FAM25G: variants seen among roughly 807,000 people sequenced by gnomAD.
FAM25G encodes the protein family with sequence similarity 25 member G, also known as protein FAM25G.
FAM25G carries 3 observed loss-of-function variants against 6.4 expected under a neutral mutation model. The ratio of observed to expected loss-of-function variants is 0.47; its 90% CI spans 0.21 to 1.21. The LOEUF (loss-of-function observed/expected upper bound fraction) is 1.21, where lower values mean the gene tolerates loss of function less well. Ranked by LOEUF, FAM25G falls within the 50% of genes most tolerant of loss-of-function variation. The pLI, the probability that FAM25G is intolerant of heterozygous loss-of-function variation, is 0.22. For missense variants in FAM25G, 34 were observed against 76.0 expected, an observed-to-expected ratio of 0.45 and a Z score of 2.06; for synonymous variants, 15 against 31.3, an observed-to-expected ratio of 0.48 and a Z score of 1.74.
At chr10:47,489,297 C>T (rs1243025856) in intron 2 of FAM25G, among the ~76,000 whole-genome samples, 2 of 144,132 alleles carry the variant, frequency 1.4e-5, no homozygotes, top group Non-Finnish European at 3.1e-5. Context: ...GGATTACAGG[C>T]ATGAGCCACC....
chr10:47,488,713 A>ATTTTTTTTTTTTTTTTTTTTT (rs1160121365), intron 2 of FAM25G, among the ~76,000 whole-genome samples: 1 of 62,106 alleles, frequency 1.6e-5, no homozygotes. Context: ...TACATGTTAA[A>ATTTTTTTTTTTTTTTTTTTTT]TTTTTTTTTT....
At chr10:47,488,713 A>AT (rs1160121365) in intron 2 of FAM25G, among the ~76,000 whole-genome samples, 14,789 of 62,016 alleles carry the variant, frequency 0.24, 2,683 homozygotes, top group South Asian at 0.26. Context: ...TACATGTTAA[A>AT]TTTTTTTTTT....
At chr10:47,487,556 T>C (rs1458450366) in intron 2 of FAM25G, 148 bp from the exon 3 acceptor site, 1 of 363,224 alleles carries the variant, frequency 2.8e-6, no homozygotes, top group Non-Finnish European at 4.8e-6. Context: ...AGAATGAATT[T>C]GAATTTGGTT....
chr10:47,490,055 CATG>C (rs1840122046), intron 1 of FAM25G, among the ~76,000 whole-genome samples: 2 of 149,900 alleles, frequency 1.3e-5, no homozygotes, highest in African/African-American at 2.5e-5. Context: ...CCAGCTGAGA[CATG>C]AAGCCCAGGC....
Position 47,491,675 on chromosome 10 carries a change from C to G in FAM25G, c.-1G>C. On this transcript the variant is annotated 5_prime_UTR_variant, in exon 1 of 3. Transcript: ENST00000452267. The stretch of plus-strand genomic sequence containing the variant: ...CCAGCTTCCCCAGGCCTCCCAGCAT[C>G]GTGTGGCAGCAGACAGTGGCGAACT... 1.3e-6 allele frequency: 2 copies of G among 1,533,554 alleles called. No homozygotes were observed. The highest frequency in any genetic ancestry group is 1.8e-6 in the Non-Finnish European group (2 of 1,134,616). The allele number at this position is 1,533,554 out of a possible 1,614,324, so 95.0% of individuals were successfully genotyped here. A position where few individuals can be genotyped will look rare whatever the true frequency, so the allele number is the denominator to read the frequency against.
intron 1 of FAM25G, among the ~76,000 whole-genome samples, chr10:47,489,856 GC>G (rs1840116067): frequency 7.0e-6 from 1 of 143,300 alleles, no homozygotes; most frequent in Admixed American, 7.1e-5. Context: ...CCTAGATGGG[GC>G]TCTGGGGTGC....
At position 47,491,517 on chromosome 10, in the gene FAM25G, G is replaced by T. The variant is rs1294192343; in HGVS notation, c.73+85C>A. ...GGCCAAGGCCTCCCCGCAGGTCCTC[G>T]CCTGCCTACGTAGATCCGCCTCCCA... On this transcript the variant is annotated intron_variant, in intron 1 of 2. Coordinates refer to ENST00000452267, the MANE Select transcript of FAM25G (RefSeq NM_001137549.2). 14 of 864,178 alleles carry T rather than the reference G, an allele frequency of 1.6e-5. No individual in the cohort carries two copies. The African/African-American group carries it at 1.8e-4, about 11-fold the overall frequency. 53.5% of individuals were successfully genotyped at this position (864,178 alleles called of 1,614,324 possible).
intron 1 of FAM25G, among the ~76,000 whole-genome samples, chr10:47,490,068 C>T (rs1840122356): frequency 6.7e-6 from 1 of 150,180 alleles, no homozygotes; most frequent in African/African-American, 2.5e-5. Context: ...GAAGCCCAGG[C>T]TGGGCCTGTG....
rs1840064640 is a variant in FAM25G at position 47,487,250 on chromosome 10, G to A, written c.*25C>T. On this transcript the variant is annotated 3_prime_UTR_variant, in exon 3 of 3. Coordinates refer to ENST00000452267, the MANE Select transcript of FAM25G (RefSeq NM_001137549.2). ...TGTCATGGCTTTTTATTGAGACTGG[G>A]GAAGGGCCGTGGTAGCAGGTGCACT... 8.8e-6 allele frequency: 11 copies of A among 1,249,996 alleles called. No homozygotes were observed. The highest frequency in any genetic ancestry group is 1.2e-5 in the Non-Finnish European group (11 of 911,716). 77.4% of individuals were successfully genotyped at this position (1,249,996 alleles called of 1,614,324 possible).
At chr10:47,489,896 G>A (rs1226607622) in intron 1 of FAM25G, among the ~76,000 whole-genome samples, 1 of 149,720 alleles carries the variant, frequency 6.7e-6, no homozygotes, top group Non-Finnish European at 1.5e-5. Context: ...ACTGACTCAT[G>A]AGAAGGACCT....
chr10:47,487,334 T>C lies in FAM25G; in HGVS notation c.211A>G (p.Asn71Asp). Residue 71 changes from asparagine (N) to aspartate (D), a missense_variant, in exon 3 of 3, where the codon AAC becomes GAC. Physicochemically the swap from Asn to Asp is conservative, Grantham distance 23 (BLOSUM62 1). Transcript: ENST00000452267. ...KMKEITETVTNTVTNAITHAA... is the reference protein window; with the variant it reads ...KMKEITETVTDTVTNAITHAA... ...TGGGTGATGGCATTTGTGACTGTGT[T>C]GGTCACTGTCTCGGTGATTTCCTTC... 1 of 772,148 alleles carries C rather than the reference T, an allele frequency of 1.3e-6. No homozygotes were observed. Among genetic ancestry groups the C allele is most frequent in the Non-Finnish European group, 2.0e-6 (1 of 497,730 alleles). The allele number at this position is 772,148 out of a possible 1,614,324, so 47.8% of individuals were successfully genotyped here. A position where few individuals can be genotyped will look rare whatever the true frequency, so the allele number is the denominator to read the frequency against.
chr10:47,487,929 T>G (rs1489135460), intron 2 of FAM25G, among the ~76,000 whole-genome samples: 1 of 151,260 alleles, frequency 6.6e-6, no homozygotes, highest in African/African-American at 2.4e-5. Context: ...TCTAAATGTT[T>G]ACGATGTCTT....
intron 1 of FAM25G, 88 bp downstream of exon 1, chr10:47,491,514 C>T: frequency 1.2e-6 from 1 of 865,372 alleles, no homozygotes; most frequent in Non-Finnish European, 1.7e-6. Flanking sequence ...CCCGCAGGTC[C>T]TCGCCTGCCT....
chr10:47,489,883 C>G (rs1200202970), intron 1 of FAM25G, among the ~76,000 whole-genome samples: 1 of 148,856 alleles, frequency 6.7e-6, no homozygotes, highest in East Asian at 2.0e-4. Flanking sequence ...CCAGCCAGGA[C>G]AGACTGACTC....
chr10:47,490,358 G>C (rs1157157178), intron 1 of FAM25G: 24 of 147,694 alleles, frequency 1.6e-4, no homozygotes, highest in South Asian at 2.1e-4. Context: ...ACCAGGTCAC[G>C]GGGGCGGCAA....
intron 2 of FAM25G, among the ~76,000 whole-genome samples, chr10:47,488,319 TC>T (rs1187635843): frequency 7.0e-6 from 1 of 142,848 alleles, no homozygotes; most frequent in Non-Finnish European, 1.5e-5. Flanking sequence ...CAAGGGAGTC[TC>T]CTGCCTCAGA....
chr10:47,489,968 T>C (rs1840119637), intron 1 of FAM25G, among the ~76,000 whole-genome samples: 1 of 150,672 alleles, frequency 6.6e-6, no homozygotes. Context: ...ACGAGCTCAA[T>C]GAGCCCCATG....
intron 1 of FAM25G, 86 bp downstream of exon 1, chr10:47,491,516 C>T (rs1360330429): frequency 9.1e-6 from 8 of 879,664 alleles, no homozygotes; most frequent in African/African-American, 5.8e-5. Context: ...CGCAGGTCCT[C>T]GCCTGCCTAC....
chr10:47,489,251 C>T (rs1330919118), intron 2 of FAM25G, among the ~76,000 whole-genome samples: 1 of 142,308 alleles, frequency 7.0e-6, no homozygotes, highest in Non-Finnish European at 1.5e-5. Flanking sequence ...ATCTCCTGAC[C>T]TCATGATCCG....
Sources: gnomAD v4.1 joint callset for allele counts (sites outside exome capture counted in the v4.1 genomes callset) on GRCh38, gnomAD v4.1.1 for gene constraint, MANE v1.5 for transcripts, NCBI Gene and HGNC (gene_info 2026-07-23, HGNC 2026-07-21) for gene names.